The following MRPL48 variants were observed in gnomAD, a reference collection of about 807,000 sequenced individuals.
MRPL48 encodes the protein mitochondrial ribosomal protein L48, also known as large ribosomal subunit protein mL48.
A neutral mutation model predicts 32.9 loss-of-function variants in MRPL48; 16 were observed. That is an observed-to-expected ratio of 0.49 (90% CI 0.33 to 0.74). MRPL48 has a LOEUF of 0.74. Ranked by LOEUF, MRPL48 falls within the 30% of genes least tolerant of loss-of-function variation. The probability of loss-of-function intolerance (pLI) is 0.02; values close to 1 mark genes in which losing one functional copy is unlikely to be tolerated. For missense variants in MRPL48, 206 were observed against 245.3 expected (o/e 0.84, Z 1.07); for synonymous variants, 94 against 89.2 (o/e 1.05, Z -0.31).
chr11:73,843,187 T>C (rs1383050996), intron 4 of MRPL48: 1 of 152,026 alleles, frequency 6.6e-6, no homozygotes, highest in Non-Finnish European at 1.5e-5. Context: ...TGAAGTATGT[T>C]GTGTTAAATA....
chr11:73,833,090 A>G (rs1312538694), intron 4 of MRPL48, among the ~76,000 whole-genome samples: 1 of 152,122 alleles, frequency 6.6e-6, no homozygotes, highest in Non-Finnish European at 1.5e-5. Flanking sequence ...AAAAGAAGCA[A>G]TTCTCCCCAA....
chr11:73,852,913 A>G (rs1948425313), intron 5 of MRPL48, among the ~76,000 whole-genome samples: 1 of 152,272 alleles, frequency 6.6e-6, no homozygotes, highest in African/African-American at 2.4e-5. Context: ...GTATTCACCC[A>G]TAAAAATGAA....
intron 6 of MRPL48, 36 bp from the exon 7 acceptor site, chr11:73,863,136 C>A: frequency 6.5e-7 from 1 of 1,543,354 alleles, no homozygotes; most frequent in Non-Finnish European, 8.8e-7. Context: ...TTTTCAGCTC[C>A]TCCCACCTCT....
chr11:73,787,883 G>T lies in MRPL48; in HGVS notation c.-89G>T, dbSNP rs973657430. 3 of 1,519,342 alleles carry T rather than the reference G, an allele frequency of 2.0e-6. No individual in the cohort carries two copies. Among genetic ancestry groups the T allele is most frequent in the Non-Finnish European group, 1.8e-6 (2 of 1,121,500 alleles). 94.1% of individuals were successfully genotyped at this position (1,519,342 alleles called of 1,614,324 possible). On this transcript the variant is annotated 5_prime_UTR_variant, in exon 1 of 8. Transcript: ENST00000310614. ...ATTGCTGCTGCACCTGGTCAAGGCC[G>T]TTCCTTCAGTGTTTTCAGACGCCCT...
intron 1 of MRPL48, among the ~76,000 whole-genome samples, chr11:73,804,514 C>T (rs1590939298): frequency 6.6e-6 from 1 of 152,060 alleles, no homozygotes; most frequent in African/African-American, 2.4e-5. Context: ...TCGTGATCTG[C>T]CCGCCTCAGC....
chr11:73,797,385 T>C (rs1284906460), intron 1 of MRPL48, among the ~76,000 whole-genome samples: 1 of 152,174 alleles, frequency 6.6e-6, no homozygotes, highest in African/African-American at 2.4e-5. Context: ...GATGTGCCCC[T>C]TTTTCACCAG....
At chr11:73,793,984 G>C (rs1947198894) in intron 1 of MRPL48, among the ~76,000 whole-genome samples, 1 of 150,580 alleles carries the variant, frequency 6.6e-6, no homozygotes, top group Non-Finnish European at 1.5e-5. Context: ...TGGGATTACA[G>C]ACGTGAGCCA....
chr11:73,815,892 A>ATT (rs71469473), intron 3 of MRPL48, among the ~76,000 whole-genome samples: 24 of 136,708 alleles, frequency 1.8e-4, no homozygotes, highest in South Asian at 4.5e-4. Flanking sequence ...CTTGACTTTT[A>ATT]TTTTTTTTTT....
rs1947876877 is a variant in MRPL48, at chr11:73,825,746, A to G, written c.151A>G (p.Lys51Glu). ...AAGTATCAGTCGGCCCTACAAGACA[A>G]AGCCCACCCACGGCATTGGAAAGTA... ...LLSISRPYKT[K>E]PTHGIGKYKH... Residue 51 changes from lysine (K) to glutamate (E), a missense_variant, in exon 4 of 8, where the codon AAG becomes GAG. Physicochemically the swap from Lys to Glu is moderately conservative, Grantham distance 56. Transcript: ENST00000310614. The G allele has an allele frequency of 1.3e-6, 2 of 1,570,046 alleles. No individual in the cohort carries two copies. Among genetic ancestry groups the G allele is most frequent in the Non-Finnish European group, 1.7e-6 (2 of 1,157,582 alleles).
At chr11:73,811,912 G>A (rs960519715) in intron 3 of MRPL48, among the ~76,000 whole-genome samples, 2 of 151,858 alleles carry the variant, frequency 1.3e-5, no homozygotes, top group Non-Finnish European at 2.9e-5. Context: ...TTTTGAGATG[G>A]AGTCTCACTC....
At chr11:73,852,083 G>A (rs7944901) in intron 5 of MRPL48, among the ~76,000 whole-genome samples, 8,591 of 152,124 alleles carry the variant, frequency 0.056, 264 homozygotes, top group Middle Eastern at 0.11. Context: ...GTACCATTCC[G>A]AGAAGATGTC....
intron 1 of MRPL48, among the ~76,000 whole-genome samples, chr11:73,802,595 CTTTT>C (rs1254188522): frequency 1.3e-5 from 2 of 151,966 alleles, no homozygotes; most frequent in East Asian, 3.9e-4. Flanking sequence ...TGACTGGTTT[CTTTT>C]ATTTAGTATA....
At chr11:73,792,629 C>T (rs1297340393) in intron 1 of MRPL48, among the ~76,000 whole-genome samples, 3 of 152,118 alleles carry the variant, frequency 2.0e-5, no homozygotes, top group African/African-American at 4.8e-5. Flanking sequence ...TTTTAGAGTA[C>T]CTAGAAGGGC....
At chr11:73,836,522 A>G (rs933436234) in intron 4 of MRPL48, among the ~76,000 whole-genome samples, 3 of 152,104 alleles carry the variant, frequency 2.0e-5, no homozygotes, top group Non-Finnish European at 4.4e-5. Context: ...ATTATTATAT[A>G]CCAGGTGCTG....
At chr11:73,816,827 ATTAT>A (rs1370693191) in intron 3 of MRPL48, among the ~76,000 whole-genome samples, 5 of 146,838 alleles carry the variant, frequency 3.4e-5, no homozygotes, top group Non-Finnish European at 6.0e-5. Flanking sequence ...TATTTTGTTT[ATTAT>A]TTTTTTTTTT....
intron 5 of MRPL48, among the ~76,000 whole-genome samples, chr11:73,853,710 A>C (rs1346550703): frequency 1.6e-5 from 1 of 61,132 alleles, no homozygotes; most frequent in Non-Finnish European, 3.2e-5. Flanking sequence ...TTTTTTTTTG[A>C]GATGGAGTCT....
At chr11:73,819,301 G>A (rs767497719) in intron 3 of MRPL48, among the ~76,000 whole-genome samples, 4 of 152,146 alleles carry the variant, frequency 2.6e-5, no homozygotes, top group Non-Finnish European at 5.9e-5. Flanking sequence ...TAGATAAGAG[G>A]CTGAGGCAAA....
intron 3 of MRPL48, among the ~76,000 whole-genome samples, chr11:73,809,035 C>T (rs1947517125): frequency 1.3e-5 from 2 of 152,022 alleles, no homozygotes; most frequent in South Asian, 4.1e-4. Flanking sequence ...ATCCTACCTA[C>T]CCCAGAGGCC....
chr11:73,834,870 C>A (rs892135938), intron 4 of MRPL48, among the ~76,000 whole-genome samples: 12 of 148,198 alleles, frequency 8.1e-5, no homozygotes, highest in African/African-American at 3.0e-4. Context: ...CTCATTCTGT[C>A]ATCCAGCCTG....
Sources: allele counts gnomAD v4.1 joint callset (sites outside exome capture counted in the v4.1 genomes callset), GRCh38; gene constraint gnomAD v4.1.1; transcripts MANE v1.5; gene names NCBI Gene and HGNC (gene_info 2026-07-23, HGNC 2026-07-21).